Variants in SLC8A1 observed in about 807,000 individuals in gnomAD.
The protein encoded by SLC8A1 is sodium/calcium exchanger 1.
SLC8A1 carries 18 observed loss-of-function variants against 68.3 expected under a neutral mutation model. The observed-to-expected ratio is 0.26, with a 90% CI of 0.18 to 0.39. The LOEUF (loss-of-function observed/expected upper bound fraction) is 0.39. Among genes scored for constraint, SLC8A1 ranks in the 10% least tolerant of loss-of-function variants. SLC8A1 has a pLI of 1.00. For synonymous variants in SLC8A1, 475 were observed against 415.5 expected, an observed-to-expected ratio of 1.14 and a Z score of -1.74; for missense variants, 985 against 1,156.7, an observed-to-expected ratio of 0.85 and a Z score of 2.15.
intron 2 of SLC8A1, among the ~76,000 whole-genome samples, chr2:40,294,912 T>C (rs1575142305): frequency 6.6e-6 from 1 of 152,244 alleles, no homozygotes. Flanking sequence ...GTAGCACATA[T>C]AAAGTTCTGA....
rs555487708 is a variant in SLC8A1 at position 40,326,448 on chromosome 2, A to T, written c.1808+102025T>A. 1.2e-4 allele frequency among the ~76,000 whole-genome samples: 11 copies of T among 93,376 alleles called. No individual in the cohort carries two copies. The South Asian group carries it at 2.4e-3, about 21-fold the overall frequency. The allele number at this position is 93,376 out of a possible 152,430, so 61.3% of individuals were successfully genotyped here. On this transcript the variant is annotated intron_variant, in intron 2 of 7. Coordinates refer to ENST00000406785, the Ensembl canonical transcript of SLC8A1. Reference sequence around the variant, plus strand: ...CTCCAATAAGCAGCAGGGAAGAGATAAAAAAAAAAATGGTGAAGAAAGGGA... The same window carrying T: ...CTCCAATAAGCAGCAGGGAAGAGATTAAAAAAAAAATGGTGAAGAAAGGGA...
intron 4 of SLC8A1, among the ~76,000 whole-genome samples, chr2:40,169,858 T>C (rs2047157662): frequency 6.6e-6 from 1 of 152,176 alleles, no homozygotes; most frequent in South Asian, 2.1e-4. Flanking sequence ...TGAGGATCCC[T>C]TGGGCTCAGG....
At chr2:40,343,965 CG>C (rs1559324116) in intron 2 of SLC8A1, among the ~76,000 whole-genome samples, 1 of 152,014 alleles carries the variant, frequency 6.6e-6, no homozygotes, top group African/African-American at 2.4e-5. Context: ...TGCCAGTACC[CG>C]CATCAGGTAC....
At chr2:40,240,018 C>T (rs1433714522) in intron 2 of SLC8A1, among the ~76,000 whole-genome samples, 2 of 152,284 alleles carry the variant, frequency 1.3e-5, no homozygotes, top group South Asian at 2.1e-4. Flanking sequence ...ATGAAGCCAA[C>T]TGTGAAACCA....
chr2:40,103,422 C>T (rs76364264), exon 8 of SLC8A1: 2 of 152,250 alleles, frequency 1.3e-5, no homozygotes, highest in African/African-American at 4.8e-5. Context: ...ACAAGGGAGG[C>T]ATTTAAAAGA....
chr2:40,381,669 A>G (rs1041589676), intron 2 of SLC8A1, among the ~76,000 whole-genome samples: 1 of 151,908 alleles, frequency 6.6e-6, no homozygotes, highest in Non-Finnish European at 1.5e-5. Context: ...TTAAATAAAC[A>G]TAGAAGTTGA....
chr2:40,356,736 A>T (rs1257371616), intron 2 of SLC8A1, among the ~76,000 whole-genome samples: 1 of 152,204 alleles, frequency 6.6e-6, no homozygotes, highest in Non-Finnish European at 1.5e-5. Flanking sequence ...ACAAGCACTT[A>T]TGTCTACTTA....
At chr2:40,129,114 C>T (rs2038786683) in intron 7 of SLC8A1, among the ~76,000 whole-genome samples, 1 of 151,996 alleles carries the variant, frequency 6.6e-6, no homozygotes, top group Non-Finnish European at 1.5e-5. Flanking sequence ...GTATGTACTA[C>T]AAATGGATGC....
At chr2:40,427,407 C>T (rs1007880285) in intron 2 of SLC8A1, among the ~76,000 whole-genome samples, 19 of 151,984 alleles carry the variant, frequency 1.3e-4, no homozygotes, top group African/African-American at 4.6e-4. Flanking sequence ...TTTTTCTTCC[C>T]TGAAATTTCT....
chr2:40,154,016 G>A (rs2043939714), intron 6 of SLC8A1, among the ~76,000 whole-genome samples: 1 of 152,184 alleles, frequency 6.6e-6, no homozygotes, highest in East Asian at 1.9e-4. Flanking sequence ...TAAAGTTGTA[G>A]GAGGAACACC....
intron 2 of SLC8A1, chr2:40,251,399 C>T (rs1463920777): frequency 6.6e-6 from 1 of 152,118 alleles, no homozygotes. Context: ...CATGCTTCAT[C>T]TCAGAAGAGC....
At chr2:40,321,431 G>A (rs963260039) in intron 2 of SLC8A1, among the ~76,000 whole-genome samples, 4 of 151,964 alleles carry the variant, frequency 2.6e-5, no homozygotes, top group Non-Finnish European at 5.9e-5. Context: ...CAGACCCGAA[G>A]GCTCTCAGTA....
chr2:40,331,918 G>A (rs1477001), intron 2 of SLC8A1, among the ~76,000 whole-genome samples: 75,228 of 151,740 alleles, frequency 0.5, 19,044 homozygotes, highest in East Asian at 0.71. Context: ...AAATATTTTC[G>A]TCTATGATAA....
intron 2 of SLC8A1, among the ~76,000 whole-genome samples, chr2:40,329,577 C>T (rs1050523552): frequency 2.6e-5 from 4 of 152,194 alleles, no homozygotes; most frequent in Non-Finnish European, 5.9e-5. Context: ...ATTTAAGTTA[C>T]TAATGATTTT....
intron 1 of SLC8A1, among the ~76,000 whole-genome samples, chr2:40,504,422 C>T (rs573850068): frequency 6.6e-6 from 1 of 152,100 alleles, no homozygotes; most frequent in South Asian, 2.1e-4. Context: ...AGCAATACCC[C>T]ACAAGCACAG....
chr2:40,430,198 G>T (rs1226702240), exon 2 of SLC8A1: 1 of 1,613,660 alleles, frequency 6.2e-7, no homozygotes, highest in Non-Finnish European at 8.5e-7. Flanking sequence ...GTCCACATGG[G>T]AAAATAAGAG....
chr2:40,387,667 G>A (rs1272603130), intron 2 of SLC8A1, among the ~76,000 whole-genome samples: 1 of 151,286 alleles, frequency 6.6e-6, no homozygotes, highest in East Asian at 1.9e-4. Flanking sequence ...ATTAGTTGTG[G>A]TGGCTCATGC....
intron 1 of SLC8A1, among the ~76,000 whole-genome samples, chr2:40,475,603 T>C (rs1704245068): frequency 6.6e-6 from 1 of 152,070 alleles, no homozygotes; most frequent in African/African-American, 2.4e-5. Flanking sequence ...GTACATGACA[T>C]ATGTACATGT....
intron 7 of SLC8A1, among the ~76,000 whole-genome samples, chr2:40,135,064 C>T (rs2040228935): frequency 6.6e-6 from 1 of 152,042 alleles, no homozygotes; most frequent in South Asian, 2.1e-4. Flanking sequence ...ACAGCTAGTG[C>T]AATCCAAAGA....
Sources: gnomAD v4.1 joint callset for allele counts (sites outside exome capture counted in the v4.1 genomes callset) on GRCh38, gnomAD v4.1.1 for gene constraint, MANE v1.5 for transcripts, NCBI Gene and HGNC (gene_info 2026-07-23, HGNC 2026-07-21) for gene names.